FNDC7: variants seen among roughly 807,000 people sequenced by gnomAD.
FNDC7 encodes the protein fibronectin type III domain containing 7.
FNDC7 carries 66 observed loss-of-function variants against 74.2 expected under a neutral mutation model. The observed-to-expected ratio is 0.89, with a 90% CI of 0.73 to 1.09. The LOEUF (loss-of-function observed/expected upper bound fraction) is 1.09, where lower values mean the gene tolerates loss of function less well. Ranked by LOEUF, FNDC7 falls within the 50% of genes least tolerant of loss-of-function variation. The pLI is 0.00. For missense variants in FNDC7, 829 were observed against 893.4 expected (o/e 0.93, Z 0.92); for synonymous variants, 307 against 330.2 (o/e 0.93, Z 0.76).
intron 8 of FNDC7, among the ~76,000 whole-genome samples, chr1:108,730,420 A>G (rs1285543977): frequency 1.2e-5 from 1 of 80,950 alleles, no homozygotes; most frequent in African/African-American, 8.8e-5. Flanking sequence ...CTTATTCTGA[A>G]AAAAAAAAAT....
rs141572324 is a variant in FNDC7, at chr1:108,716,508, T to C, written c.83-1269T>C. On this transcript the variant is annotated intron_variant, in intron 2 of 12. Transcript: ENST00000370017. ...GCCTGAGATTTTCCTCCAGCATATATAAGTGTCATAATTTTCTTTCAATGG... is the reference window on the plus strand; with the variant it reads ...GCCTGAGATTTTCCTCCAGCATATACAAGTGTCATAATTTTCTTTCAATGG... Among the ~76,000 whole-genome samples, 727 of 152,140 alleles carry C rather than the reference T, an allele frequency of 4.8e-3. 6 individuals carry two copies. The highest frequency in any genetic ancestry group is 0.016 in the African/African-American group (678 of 41,506).
chr1:108,722,407 G>T lies in FNDC7; in HGVS notation c.671G>T (p.Arg224Leu), dbSNP rs4423040. 956,648 of 1,613,758 alleles carry T rather than the reference G, an allele frequency of 0.59. 289,845 individuals carry two copies. Among genetic ancestry groups the T allele is most frequent in the East Asian group, 0.84 (37,673 of 44,874 alleles). ...GALKASFSWA[R>L]AEGAFNYTVM... ...CTGAAGGCATCTTTTTCCTGGGCAC[G>T]GGCAGAAGGAGCTTTCAATTATACT... The change falls in exon 5 of 13, where the codon CGG becomes CTG. Residue 224 changes from arginine to leucine, a missense_variant. By Grantham distance (102) the Arg-to-Leu change is moderately radical. Transcript: ENST00000370017.
chr1:108,713,616 G>A (rs1660917155), intron 2 of FNDC7, 87 bp downstream of exon 2: 2 of 1,196,760 alleles, frequency 1.7e-6, no homozygotes. Context: ...GAAATCTAAA[G>A]GCTATATGAG....
At chr1:108,738,297 C>G (rs1376262625) in intron 11 of FNDC7, among the ~76,000 whole-genome samples, 1 of 152,140 alleles carries the variant, frequency 6.6e-6, no homozygotes, top group East Asian at 1.9e-4. Flanking sequence ...CTCACTGCCT[C>G]CTTGGTTTTG....
intron 4 of FNDC7, 94 bp downstream of exon 4, chr1:108,719,143 A>G: frequency 7.4e-7 from 1 of 1,358,436 alleles, no homozygotes; most frequent in Non-Finnish European, 1.0e-6. Flanking sequence ...TTACATGACA[A>G]GTACAGAGCA....
At chr1:108,730,388 G>T (rs1461191438) in intron 8 of FNDC7, among the ~76,000 whole-genome samples, 2 of 149,498 alleles carry the variant, frequency 1.3e-5, no homozygotes, top group East Asian at 1.9e-4. Flanking sequence ...TGTTGAAGAT[G>T]GGGGCAACAA....
At chr1:108,718,120 G>C (rs1004656368) in intron 3 of FNDC7, 89 bp downstream of exon 3, 1 of 1,472,714 alleles carries the variant, frequency 6.8e-7, no homozygotes, top group Non-Finnish European at 9.2e-7. Context: ...ATGTGATTTG[G>C]TGTCACATGA....
intron 6 of FNDC7, among the ~76,000 whole-genome samples, chr1:108,727,352 CA>C (rs570134424): frequency 6.6e-6 from 1 of 151,914 alleles, no homozygotes; most frequent in African/African-American, 2.4e-5. Context: ...ACAACAACAA[CA>C]AAAAAACTAC....
At chr1:108,723,093 T>C (rs752975770) in intron 5 of FNDC7, among the ~76,000 whole-genome samples, 1 of 152,264 alleles carries the variant, frequency 6.6e-6, no homozygotes, top group Non-Finnish European at 1.5e-5. Context: ...GACTCCTCTA[T>C]TTAGAAATAT....
At position 108,730,889 on chromosome 1, in the gene FNDC7, G is replaced by A. The variant is rs373519427; in HGVS notation, c.1840G>A (p.Gly614Arg). ...GACATTAAAAGCAATTAGTGCCACC[G>A]GGTTGACTGCAGATTGCTCCTACCA... is the stretch of plus-strand genomic sequence containing the variant. The part of the protein sequence containing the change: ...TVTLKAISAT[G>R]LTADCSYQSY... The change falls in exon 9 of 13, where the codon GGG becomes AGG. Residue 614 changes from glycine to arginine, a missense_variant. Transcript: ENST00000370017. The A allele has an allele frequency of 1.5e-5, 25 of 1,613,368 alleles. No individual in the cohort carries two copies. In the African/African-American group the frequency reaches 1.6e-4, roughly 10 times the overall value.
chr1:108,715,436 G>A (rs1443485609), intron 2 of FNDC7, among the ~76,000 whole-genome samples: 1 of 152,170 alleles, frequency 6.6e-6, no homozygotes, highest in Non-Finnish European at 1.5e-5. Flanking sequence ...CTACTAAAGG[G>A]CAACATACTA....
At chr1:108,724,613 T>A (rs1301729721) in intron 5 of FNDC7, among the ~76,000 whole-genome samples, 1 of 151,412 alleles carries the variant, frequency 6.6e-6, no homozygotes, top group Admixed American at 6.6e-5. Flanking sequence ...AATTAGCTGC[T>A]CATGGTGGCA....
intron 10 of FNDC7, among the ~76,000 whole-genome samples, chr1:108,736,204 C>A (rs1164287163): frequency 6.6e-6 from 1 of 152,180 alleles, no homozygotes; most frequent in Non-Finnish European, 1.5e-5. Flanking sequence ...GTGCCTGCTT[C>A]GGCCACACAC....
intron 9 of FNDC7, among the ~76,000 whole-genome samples, chr1:108,732,970 C>T (rs1275566867): frequency 1.4e-5 from 2 of 146,222 alleles, no homozygotes; most frequent in Non-Finnish European, 3.0e-5. Flanking sequence ...GTCAGGGTCT[C>T]CCTATGTTGC....
At chr1:108,737,733 G>T (rs1661548952) in intron 11 of FNDC7, among the ~76,000 whole-genome samples, 1 of 152,200 alleles carries the variant, frequency 6.6e-6, no homozygotes, top group Admixed American at 6.5e-5. Context: ...TTTGAATTCT[G>T]AAGTCTTTTT....
At chr1:108,723,872 C>T (rs185773475) in intron 5 of FNDC7, among the ~76,000 whole-genome samples, 1 of 152,274 alleles carries the variant, frequency 6.6e-6, no homozygotes, top group African/African-American at 2.4e-5. Context: ...AAAAGCTCCC[C>T]AGTTGATTCT....
intron 4 of FNDC7, among the ~76,000 whole-genome samples, chr1:108,719,850 G>A (rs1661059984): frequency 6.6e-6 from 1 of 152,092 alleles, no homozygotes. Context: ...ACATAGATAG[G>A]AGACTCTCAC....
At chr1:108,732,807 T>G (rs930575174) in intron 9 of FNDC7, among the ~76,000 whole-genome samples, 1 of 152,040 alleles carries the variant, frequency 6.6e-6, no homozygotes, top group Non-Finnish European at 1.5e-5. Flanking sequence ...TCTCGCTCTG[T>G]CACCTAGGCT....
At chr1:108,735,930 C>T (rs899519004) in intron 10 of FNDC7, among the ~76,000 whole-genome samples, 1 of 152,130 alleles carries the variant, frequency 6.6e-6, no homozygotes, top group Non-Finnish European at 1.5e-5. Context: ...CTCAGCCTCC[C>T]AAGTAGCTGG....
Sources: gnomAD v4.1 joint callset for allele counts (sites outside exome capture counted in the v4.1 genomes callset) on GRCh38, gnomAD v4.1.1 for gene constraint, MANE v1.5 for transcripts, NCBI Gene and HGNC (gene_info 2026-07-23, HGNC 2026-07-21) for gene names.